Variants in DSC2 observed in about 807,000 individuals in gnomAD.
DSC2 encodes desmocollin 2.
A neutral mutation model predicts 87.6 loss-of-function variants in DSC2; 51 were observed. The ratio of observed to expected loss-of-function variants is 0.58; its 90% CI spans 0.46 to 0.74. DSC2 has a LOEUF of 0.74. DSC2 is among the 30% of genes least tolerant of loss of function. The pLI, the probability that DSC2 is intolerant of heterozygous loss-of-function variation, is 0.00. For missense variants in DSC2, 1,066 were observed against 1,089.5 expected, an observed-to-expected ratio of 0.98 and a Z score of 0.30; for synonymous variants, 383 against 393.2, an observed-to-expected ratio of 0.97 and a Z score of 0.31.
chr18:31,083,246 T>C (rs1020580476), intron 7 of DSC2, among the ~76,000 whole-genome samples, 186 bp from the exon 8 acceptor site: 3 of 152,242 alleles, frequency 2.0e-5, no homozygotes, highest in African/African-American at 7.2e-5. Context: ...TTTCTTTTTC[T>C]TTTCTGAGAC....
Position 31,071,757 on chromosome 18 carries a change from A to T in DSC2, c.1973T>A (p.Met658Lys). The T allele has an allele frequency of 6.2e-7, 1 of 1,613,888 alleles. No individual in the cohort carries two copies. The highest frequency in any genetic ancestry group is 8.5e-7 in the Non-Finnish European group (1 of 1,179,852). The part of the protein sequence containing the change: ...VPITVRDRLG[M>K]SSVTSLDVTL... ...AACATCCAATGAAGTGACACTAGAC[A>T]TGCCAAGTCTATCTCTCACTGTTAT... Residue 658 changes from methionine (M) to lysine (K), a missense_variant, in exon 13 of 16, where the codon ATG (methionine) becomes AAG (lysine). Physicochemically the swap from Met to Lys is moderately conservative, Grantham distance 95. Coordinates refer to ENST00000280904, the MANE Select transcript of DSC2 (RefSeq NM_024422.6).
chr18:31,070,700 T>A (rs763152020), intron 14 of DSC2, 26 bp downstream of exon 14: 3 of 1,612,986 alleles, frequency 1.9e-6, no homozygotes, highest in Admixed American at 3.3e-5. Flanking sequence ...ATCCTTTGTA[T>A]TTATTTAAAA....
chr18:31,083,200 G>T (rs1277647639), intron 7 of DSC2, 140 bp from the exon 8 acceptor site: 3 of 985,292 alleles, frequency 3.0e-6, no homozygotes, highest in Admixed American at 2.8e-5. Flanking sequence ...TGTATTAGAA[G>T]AATTTTCTCT....
At chr18:31,101,642 G>A (rs1383613455) in intron 1 of DSC2, 2 of 453,864 alleles carry the variant, frequency 4.4e-6, no homozygotes, top group East Asian at 3.8e-5. Flanking sequence ...GGGCGAAAGC[G>A]GCCCGCTCCC....
At position 31,059,995 on chromosome 18, in the gene DSC2, C is replaced by G. The variant is rs983513605; in HGVS notation, c.*8020G>C. The G allele has an allele frequency of 6.6e-6, 1 of 151,918 alleles. No homozygotes were observed. Among genetic ancestry groups the G allele is most frequent in the Non-Finnish European group, 1.5e-5 (1 of 67,996 alleles). The allele number at this position is 151,918 out of a possible 1,614,324, so 9.4% of individuals were successfully genotyped here. On this transcript the variant is annotated 3_prime_UTR_variant, in exon 16 of 16. Transcript: ENST00000280904. ...AGAAATTTGAGGTTTCTGTGATTTC[C>G]CAAGGTAACACAGCAAGAACAAAGC...
chr18:31,083,702 GT>G (rs908773366), intron 7 of DSC2, among the ~76,000 whole-genome samples: 1 of 152,164 alleles, frequency 6.6e-6, no homozygotes, highest in South Asian at 2.1e-4. Context: ...GGCTATGTAG[GT>G]TTTTTTCTTT....
chr18:31,073,022 T>G (rs1325318938), intron 12 of DSC2, among the ~76,000 whole-genome samples: 1 of 152,292 alleles, frequency 6.6e-6, no homozygotes, highest in South Asian at 2.1e-4. Flanking sequence ...CACGGTCAGA[T>G]TTACTTAACT....
intron 14 of DSC2, 139 bp from the exon 15 acceptor site, chr18:31,069,290 T>C: frequency 1.8e-6 from 2 of 1,133,632 alleles, no homozygotes; most frequent in Non-Finnish European, 2.5e-6. Context: ...ACTAAATCTA[T>C]TTTGTGAATC....
chr18:31,080,363 A>T lies in DSC2; in HGVS notation c.1264-11T>A. 1 of 1,613,098 alleles carries T rather than the reference A, an allele frequency of 6.2e-7. No individual in the cohort carries two copies. Among genetic ancestry groups the T allele is most frequent in the Non-Finnish European group, 8.5e-7 (1 of 1,179,494 alleles). On this transcript the variant is annotated splice_polypyrimidine_tract_variant and intron_variant, in intron 9 of 15. Coordinates refer to ENST00000280904, the MANE Select transcript of DSC2 (RefSeq NM_024422.6). ...TTCATAATTCAAAGGCTACGAAAGC[A>T]AATGTATTGAAAAATCAGATGAACT...
intron 14 of DSC2, 44 bp from the exon 15 acceptor site, chr18:31,069,195 C>T (rs759163912): frequency 2.5e-6 from 4 of 1,612,454 alleles, no homozygotes; most frequent in Non-Finnish European, 2.5e-6. Context: ...CAGAGAGGAA[C>T]ACAAAATTAT....
At position 31,080,358 on chromosome 18, in the gene DSC2, A is replaced by G; in HGVS notation, c.1264-6T>C. The G allele has an allele frequency of 6.2e-7, 1 of 1,613,548 alleles. No homozygotes were observed. Among genetic ancestry groups the G allele is most frequent in the East Asian group, 2.2e-5 (1 of 44,860 alleles). ...TTTTCTTCATAATTCAAAGGCTACGAAAGCAAATGTATTGAAAAATCAGAT... is the reference window on the plus strand; with the variant it reads ...TTTTCTTCATAATTCAAAGGCTACGGAAGCAAATGTATTGAAAAATCAGAT... On this transcript the variant is annotated splice_region_variant and splice_polypyrimidine_tract_variant and intron_variant, in intron 9 of 15. Transcript: ENST00000280904.
In DSC2 at chr18:31,065,350, G is replaced by A. The variant is rs1986588921; in HGVS notation, c.*2665C>T. 2.0e-5 allele frequency: 3 copies of A among 152,222 alleles called. No individual in the cohort carries two copies. Among genetic ancestry groups the A allele is most frequent in the Admixed American group, 2.0e-4 (3 of 15,284 alleles). The allele number at this position is 152,222 out of a possible 1,614,324, so 9.4% of individuals were successfully genotyped here. A position where few individuals can be genotyped will look rare whatever the true frequency, so the allele number is the denominator to read the frequency against. On this transcript the variant is annotated 3_prime_UTR_variant, in exon 16 of 16. Coordinates refer to ENST00000280904, the MANE Select transcript of DSC2 (RefSeq NM_024422.6). ...GTTCTCTGCTCATAGAACAATAGCAGTGGCTAAGGTACATGATTGAGTGCT... is the reference window on the plus strand; with the variant it reads ...GTTCTCTGCTCATAGAACAATAGCAATGGCTAAGGTACATGATTGAGTGCT...
rs1015562529 is a variant in DSC2, at chr18:31,061,872, A to T, written c.*6143T>A. The T allele has an allele frequency of 6.6e-6, 1 of 152,172 alleles. No individual in the cohort carries two copies. The allele number at this position is 152,172 out of a possible 1,614,324, so 9.4% of individuals were successfully genotyped here. On this transcript the variant is annotated 3_prime_UTR_variant, in exon 16 of 16. Transcript: ENST00000280904. ...GAAGAAAGATCAGATCCTACTTCTC[A>T]AGATTTCAGTCCTCAAACCTAGAAA...
intron 15 of DSC2, 74 bp downstream of exon 15, chr18:31,068,820 T>G: frequency 2.6e-6 from 4 of 1,556,644 alleles, no homozygotes; most frequent in Non-Finnish European, 8.8e-7. Context: ...AAAATTATAG[T>G]CAGAATCCAG....
intron 12 of DSC2, 71 bp downstream of exon 12, chr18:31,074,612 A>C (rs1014636150): frequency 5.6e-6 from 8 of 1,427,626 alleles, no homozygotes; most frequent in Non-Finnish European, 7.7e-6. Flanking sequence ...CTCCTATTTC[A>C]TACAAAAAAA....
rs397517406 is a variant in DSC2 at position 31,086,672 on chromosome 18, G to C, written c.846C>G (p.Tyr282Ter). The change falls in exon 7 of 16, where the codon TAC becomes TAG. Residue 282 changes from tyrosine to a stop codon, truncating the protein, a stop_gained. Transcript: ENST00000280904. LOFTEE classifies it high-confidence loss of function. Reference protein sequence around the residue: ...EPDTMHTRLKYSIIGQVPPSP... With the variant: ...EPDTMHTRLK The stretch of plus-strand genomic sequence containing the variant: ...ATGGTGGCACCTGCCCAATGATGGA[G>C]TACTTCAGGCGTGTGTGCATCGTGT... 2 of 1,614,072 alleles carry C rather than the reference G, an allele frequency of 1.2e-6. No homozygotes were observed. Among genetic ancestry groups the C allele is most frequent in the Non-Finnish European group, 1.7e-6 (2 of 1,180,042 alleles).
chr18:31,090,992 T>C, intron 4 of DSC2, 36 bp downstream of exon 4: 1 of 1,613,734 alleles, frequency 6.2e-7, no homozygotes, highest in South Asian at 1.1e-5. Flanking sequence ...AGATGGAAAC[T>C]ATAGACTCCC....
In DSC2 at chr18:31,071,416, G is replaced by A. The variant is rs554511193; in HGVS notation, c.2125+189C>T. ...GAAAAAATTAGCTGGGCATTGTGGC[G>A]CACACCTGTAATCCCAGCTACTCGG... is the stretch of plus-strand genomic sequence containing the variant. On this transcript the variant is annotated intron_variant, in intron 13 of 15. Transcript: ENST00000280904. Among the ~76,000 whole-genome samples the A allele has an allele frequency of 3.7e-3, 563 of 152,014 alleles. 2 individuals carry two copies. Among genetic ancestry groups the A allele is most frequent in the African/African-American group, 0.013 (530 of 41,434 alleles).
At chr18:31,076,789 C>T (rs1165507670) in intron 11 of DSC2, among the ~76,000 whole-genome samples, 3 of 152,156 alleles carry the variant, frequency 2.0e-5, no homozygotes, top group African/African-American at 7.2e-5. Context: ...CCACGGCATA[C>T]ACATTGTACT....
Sources: gnomAD v4.1 joint callset for allele counts (sites outside exome capture counted in the v4.1 genomes callset) on GRCh38, gnomAD v4.1.1 for gene constraint, MANE v1.5 for transcripts, NCBI Gene and HGNC (gene_info 2026-07-23, HGNC 2026-07-21) for gene names.